The following UNC13B variants were observed in gnomAD, a reference collection of about 807,000 sequenced individuals.
UNC13B encodes protein unc-13 homolog B.
A neutral mutation model predicts 211.0 loss-of-function variants in UNC13B; 144 were observed. The observed-to-expected ratio is 0.68, with a 90% CI of 0.60 to 0.78. UNC13B has a LOEUF of 0.78. UNC13B is among the 30% of genes least tolerant of loss of function. The probability of loss-of-function intolerance (pLI) is 0.00; values close to 1 mark genes in which losing one functional copy is unlikely to be tolerated. For missense variants in UNC13B, 1,777 were observed against 2,002.0 expected (o/e 0.89, Z 2.14); for synonymous variants, 709 against 725.8 (o/e 0.98, Z 0.37).
intron 22 of UNC13B, chr9:35,385,219 G>C (rs999389141): frequency 2.0e-6 from 2 of 985,326 alleles, no homozygotes; most frequent in African/African-American, 1.7e-5. Context: ...TCCAAAAGCA[G>C]TTCTGCTCAG....
At chr9:35,194,963 G>A (rs965351660) in intron 1 of UNC13B, among the ~76,000 whole-genome samples, 12 of 152,210 alleles carry the variant, frequency 7.9e-5, no homozygotes, top group Non-Finnish European at 1.6e-4. Context: ...GGCGGCGGAT[G>A]TGCCGGATTT....
At chr9:35,324,794 A>G (rs931591220) in intron 11 of UNC13B, among the ~76,000 whole-genome samples, 3 of 152,142 alleles carry the variant, frequency 2.0e-5, no homozygotes, top group Non-Finnish European at 4.4e-5. Context: ...CTTTTCATAT[A>G]AATCTATACA....
chr9:35,394,049 G>T (rs1027774213), intron 26 of UNC13B, among the ~76,000 whole-genome samples: 1 of 152,156 alleles, frequency 6.6e-6, no homozygotes, highest in Non-Finnish European at 1.5e-5. Flanking sequence ...ACAGATGGGG[G>T]TAATGAGACC....
At chr9:35,269,396 C>T (rs935527563) in intron 7 of UNC13B, among the ~76,000 whole-genome samples, 1 of 152,198 alleles carries the variant, frequency 6.6e-6, no homozygotes, top group African/African-American at 2.4e-5. Context: ...GTTTTGGGTG[C>T]ACTACTCTCC....
chr9:35,188,314 G>A (rs1007011982), intron 1 of UNC13B, among the ~76,000 whole-genome samples: 1 of 152,120 alleles, frequency 6.6e-6, no homozygotes, highest in African/African-American at 2.4e-5. Context: ...AATTGTCTGC[G>A]AATGACAAAA....
chr9:35,371,261 A>G (rs1834101673), intron 13 of UNC13B, among the ~76,000 whole-genome samples: 1 of 151,336 alleles, frequency 6.6e-6, no homozygotes, highest in Non-Finnish European at 1.5e-5. Context: ...TGAAAGTATC[A>G]TCTGCCATTT....
At chr9:35,237,570 G>C in intron 4 of UNC13B, 133 bp from the exon 5 acceptor site, 4 of 1,078,918 alleles carry the variant, frequency 3.7e-6, no homozygotes, top group Non-Finnish European at 5.4e-6. Flanking sequence ...GGTGATAGTG[G>C]TGTGTTTGCC....
chr9:35,167,331 G>C (rs1450535555), intron 1 of UNC13B, among the ~76,000 whole-genome samples: 2 of 151,992 alleles, frequency 1.3e-5, no homozygotes, highest in Admixed American at 6.6e-5. Context: ...CCTTGGCCTT[G>C]CAAAGTGCTG....
intron 6 of UNC13B, among the ~76,000 whole-genome samples, chr9:35,249,317 A>C (rs77091113): frequency 2.6e-5 from 4 of 152,146 alleles, no homozygotes; most frequent in Admixed American, 6.5e-5. Flanking sequence ...CCAATTTGCC[A>C]GTCTGTGTCT....
rs151027172 is a variant in UNC13B at position 35,396,559 on chromosome 9, C to T, written c.11392C>T (p.Arg3798Trp). The change falls in exon 27 of 40, where the codon CGG becomes TGG. Residue 3798 changes from arginine (R) to tryptophan (W), a missense_variant. Transcript: ENST00000635942. Reference sequence around the variant, plus strand: ...GAAGTGGCTCCACAATGAATACGTGCGGGATCTGCCTGTCCTCCAGGGGCA... The same window carrying T: ...GAAGTGGCTCCACAATGAATACGTGTGGGATCTGCCTGTCCTCCAGGGGCA... ...KVKWLHNEYV[R>W]DLPVLQGQVP... 1.3e-4 allele frequency: 207 copies of T among 1,613,956 alleles called. No individual in the cohort carries two copies. The highest frequency in any genetic ancestry group is 1.0e-3 in the East Asian group (47 of 44,892).
chr9:35,238,233 A>G (rs1825622449), intron 5 of UNC13B, among the ~76,000 whole-genome samples: 1 of 152,238 alleles, frequency 6.6e-6, no homozygotes, highest in Admixed American at 6.5e-5. Flanking sequence ...TTAAATCACA[A>G]TACATGCTCA....
intron 1 of UNC13B, among the ~76,000 whole-genome samples, chr9:35,210,687 C>A (rs1377283905): frequency 6.6e-6 from 1 of 151,660 alleles, no homozygotes; most frequent in Non-Finnish European, 1.5e-5. Context: ...CCATGCCCGG[C>A]TAATTTTTGT....
At chr9:35,368,113 A>G (rs1330851930) in intron 12 of UNC13B, among the ~76,000 whole-genome samples, 2 of 152,164 alleles carry the variant, frequency 1.3e-5, no homozygotes, top group Non-Finnish European at 2.9e-5. Context: ...CAGGTTTGTT[A>G]TATAGTTAAA....
chr9:35,341,929 TC>T, intron 11 of UNC13B: 4 of 985,560 alleles, frequency 4.1e-6, no homozygotes, highest in Non-Finnish European at 4.8e-6. Context: ...GAGTTAGAAT[TC>T]CACATCCAGT....
At chr9:35,216,677 G>T (rs539373505) in intron 1 of UNC13B, among the ~76,000 whole-genome samples, 132 of 152,180 alleles carry the variant, frequency 8.7e-4, no homozygotes, top group African/African-American at 3.1e-3. Context: ...ATAGATAAAA[G>T]GTGTAGAAAT....
chr9:35,307,256 G>C lies in UNC13B; in HGVS notation c.7852G>C (p.Asp2618His). 5.0e-6 allele frequency: 2 copies of C among 399,034 alleles called. No individual in the cohort carries two copies. Among genetic ancestry groups the C allele is most frequent in the Non-Finnish European group, 8.8e-6 (2 of 226,080 alleles). The allele number at this position is 399,034 out of a possible 1,614,324, so 24.7% of individuals were successfully genotyped here. A position where few individuals can be genotyped will look rare whatever the true frequency, so the allele number is the denominator to read the frequency against. ...TINTSSFSGD[D>H]TGQGVLSLSD... ...TAATACATCTTCTTTCTCGGGTGAT[G>C]ATACTGGGCAAGGAGTATTGTCTCT... The change falls in exon 9 of 40, where the codon GAT (aspartate) becomes CAT (histidine). Residue 2618 changes from aspartate (D) to histidine (H), a missense_variant. Physicochemically the swap from Asp to His is moderately conservative, Grantham distance 81. Transcript: ENST00000635942.
chr9:35,391,071 C>T (rs1474337858), intron 26 of UNC13B, among the ~76,000 whole-genome samples: 1 of 152,152 alleles, frequency 6.6e-6, no homozygotes, highest in Non-Finnish European at 1.5e-5. Context: ...ATCAGAGAAC[C>T]TTAAATACAC....
intron 11 of UNC13B, among the ~76,000 whole-genome samples, chr9:35,316,486 T>C (rs749240523): frequency 2.7e-4 from 41 of 152,192 alleles, no homozygotes; most frequent in Non-Finnish European, 5.6e-4. Context: ...TATTTGAAAA[T>C]GCTATTATTT....
rs149738611 is a variant in UNC13B at position 35,401,710 on chromosome 9, G to C, written c.12484+1267G>C. On this transcript the variant is annotated intron_variant, in intron 37 of 39. Coordinates refer to ENST00000635942, the MANE Select transcript of UNC13B (RefSeq NM_001371189.2). The stretch of plus-strand genomic sequence containing the variant: ...TGCTTGTCTCAGATACCTCCTCTCT[G>C]TATTTTTCTACTGTTTCTGCCCATG... Among the ~76,000 whole-genome samples, 1,357 of 152,284 alleles carry C rather than the reference G, an allele frequency of 8.9e-3. 12 individuals carry two copies. Among genetic ancestry groups the C allele is most frequent in the Non-Finnish European group, 0.015 (1,021 of 68,032 alleles).
Sources: allele counts gnomAD v4.1 joint callset (sites outside exome capture counted in the v4.1 genomes callset), GRCh38; gene constraint gnomAD v4.1.1; transcripts MANE v1.5; gene names NCBI Gene and HGNC (gene_info 2026-07-23, HGNC 2026-07-21).